Variants in ATP1B3 observed in about 807,000 individuals in gnomAD.
ATP1B3 encodes sodium/potassium-transporting ATPase subunit beta-3.
Under a neutral mutation model 30.2 loss-of-function variants are expected in ATP1B3, and 10 were observed. That is an observed-to-expected ratio of 0.33 (90% confidence interval 0.20 to 0.56). The LOEUF is 0.56. ATP1B3 is among the 20% of genes least tolerant of loss of function. The probability of loss-of-function intolerance (pLI) is 0.90; values close to 1 mark genes in which losing one functional copy is unlikely to be tolerated. For synonymous variants in ATP1B3, 113 were observed against 117.0 expected, an observed-to-expected ratio of 0.97 and a Z score of 0.22; for missense variants, 238 against 336.7, an observed-to-expected ratio of 0.71 and a Z score of 2.29.
In ATP1B3 at chr3:141,925,670, G is replaced by A. The variant is rs141791067; in HGVS notation, c.809G>A (p.Arg270Gln). 62 of 1,612,396 alleles carry A rather than the reference G, an allele frequency of 3.8e-5. No individual in the cohort carries two copies. In the African/African-American group the frequency reaches 4.1e-4, roughly 11 times the overall value. Residue 270 changes from arginine (R) to glutamine (Q), a missense_variant, in exon 7 of 7, where the codon CGA (arginine) becomes CAA (glutamine). By Grantham distance (43) the Arg-to-Gln change is conservative. Around this residue, in one of 3 missense-constraint regions of ATP1B3, gnomAD observed 50 missense variants for 62.3 expected, o/e 0.80. Transcript: ENST00000286371. ...SQDDRDKFLG[R>Q]VMFKITARA ...GATGATCGTGACAAGTTTTTGGGAC[G>A]AGTTATGTTCAAAATCACAGCACGT...
At chr3:141,899,991 G>A (rs7616903) in intron 1 of ATP1B3, among the ~76,000 whole-genome samples, 28,847 of 151,948 alleles carry the variant, frequency 0.19, 3,162 homozygotes, top group African/African-American at 0.31. Context: ...TGATTGCACC[G>A]CTGTACTCCA....
chr3:141,915,612 C>T (rs970528713), intron 4 of ATP1B3, among the ~76,000 whole-genome samples: 1 of 152,056 alleles, frequency 6.6e-6, no homozygotes, highest in Non-Finnish European at 1.5e-5. Context: ...TATGCTTCTG[C>T]AGTTCTTATT....
chr3:141,890,086 C>CTTTTTTTTTTTTTTT (rs1245235657), intron 1 of ATP1B3, among the ~76,000 whole-genome samples: 2 of 107,550 alleles, frequency 1.9e-5, no homozygotes, highest in African/African-American at 7.5e-5. Context: ...AATTTTTTTT[C>CTTTTTTTTTTTTTTT]TTTTTTTTTT....
At chr3:141,924,814 G>A (rs1008870393) in intron 6 of ATP1B3, among the ~76,000 whole-genome samples, 10 of 151,918 alleles carry the variant, frequency 6.6e-5, no homozygotes, top group East Asian at 1.9e-4. Flanking sequence ...TTAGCTGGGC[G>A]TGGTAGCGGG....
chr3:141,920,168 G>A (rs907494575), intron 5 of ATP1B3, among the ~76,000 whole-genome samples: 8 of 152,140 alleles, frequency 5.3e-5, no homozygotes, highest in Non-Finnish European at 1.0e-4. Context: ...CTTGAGCCGT[G>A]ATGGCCTTAA....
chr3:141,876,786 C>G lies in ATP1B3; in HGVS notation c.-16C>G, dbSNP rs770812530. On this transcript the variant is annotated 5_prime_UTR_variant, in exon 1 of 7. Transcript: ENST00000286371. ...TCCCCGCGGCCGCAGCTCCTCTCGC[C>G]GTCCGCGCGCACACCATGACGAAGA... 6.3e-7 allele frequency: 1 copy of G among 1,585,978 alleles called. No homozygotes were observed.
Position 141,882,758 on chromosome 3 carries a change from A to G in ATP1B3, c.109+5848A>G, listed in dbSNP as rs551948236. The stretch of plus-strand genomic sequence containing the variant: ...GCTACCATGCCTAGCTAATTTTTGT[A>G]TTTTTAGCTGAGATAGGGTTTTTTT... On this transcript the variant is annotated intron_variant, in intron 1 of 6. Coordinates refer to ENST00000286371, the MANE Select transcript of ATP1B3 (RefSeq NM_001679.4). Among the ~76,000 whole-genome samples, 99 of 152,120 alleles carry G rather than the reference A, an allele frequency of 6.5e-4. No homozygotes were observed. In the South Asian group the frequency reaches 0.012, roughly 19 times the overall value.
At chr3:141,903,232 A>C (rs1159582653) in intron 1 of ATP1B3, among the ~76,000 whole-genome samples, 1 of 152,198 alleles carries the variant, frequency 6.6e-6, no homozygotes, top group Non-Finnish European at 1.5e-5. Flanking sequence ...TCGCCACTTA[A>C]AGGATCATGT....
chr3:141,905,856 A>G (rs1934254593), intron 2 of ATP1B3, among the ~76,000 whole-genome samples: 1 of 152,128 alleles, frequency 6.6e-6, no homozygotes, highest in African/African-American at 2.4e-5. Flanking sequence ...TTAAGTACAC[A>G]GTTTTTAAAC....
In ATP1B3 at chr3:141,907,233, C is replaced by T. The variant is rs768861940; in HGVS notation, c.305C>T (p.Ser102Leu). The T allele has an allele frequency of 5.0e-6, 8 of 1,612,840 alleles. No homozygotes were observed. Among genetic ancestry groups the T allele is most frequent in the Non-Finnish European group, 5.9e-6 (7 of 1,179,558 alleles). The change falls in exon 3 of 7, where the codon TCG (serine) becomes TTG (leucine). Residue 102 changes from serine (S) to leucine (L), a missense_variant. Transcript: ENST00000286371. ...EYTFSRSDPT[S>L]YAGYIEDLKK... Reference sequence around the variant, plus strand: ...ACATTCAGTAGGTCTGATCCAACTTCGTATGCAGGGTACATTGAAGACCTT... The same window carrying T: ...ACATTCAGTAGGTCTGATCCAACTTTGTATGCAGGGTACATTGAAGACCTT...
intron 1 of ATP1B3, among the ~76,000 whole-genome samples, chr3:141,899,343 A>G (rs1393612887): frequency 6.6e-6 from 1 of 152,218 alleles, no homozygotes; most frequent in Admixed American, 6.5e-5. Flanking sequence ...GTTTTAAACT[A>G]TAAACAGAAT....
At chr3:141,879,927 A>G (rs113537296) in intron 1 of ATP1B3, among the ~76,000 whole-genome samples, 255 of 150,220 alleles carry the variant, frequency 1.7e-3, no homozygotes, top group Middle Eastern at 3.4e-3. Context: ...GGTGGGAGAA[A>G]AAGATTATGT....
intron 1 of ATP1B3, among the ~76,000 whole-genome samples, chr3:141,898,797 A>G (rs1934113543): frequency 6.6e-6 from 1 of 152,228 alleles, no homozygotes; most frequent in South Asian, 2.1e-4. Context: ...TGTTTATAAC[A>G]TTATTCATAA....
intron 1 of ATP1B3, among the ~76,000 whole-genome samples, chr3:141,900,777 T>C (rs1934147250): frequency 6.6e-6 from 1 of 151,798 alleles, no homozygotes; most frequent in Non-Finnish European, 1.5e-5. Context: ...GCCTGTCTGG[T>C]TGTTTTCTTG....
rs1161339316 is a variant in ATP1B3 at position 141,922,023 on chromosome 3, T to C, written c.629T>C (p.Ile210Thr). The change falls in exon 6 of 7, where the codon ATA (isoleucine) becomes ACA (threonine). Residue 210 changes from isoleucine (I) to threonine (T), a missense_variant. By Grantham distance (89) the Ile-to-Thr change is moderately conservative. Transcript: ENST00000286371. Reference sequence around the variant, plus strand: ...GCAGTTTATCCTCATAATGGAATGATAGACTTAAAATATTTCCCATATTAT... The same window carrying C: ...GCAGTTTATCCTCATAATGGAATGACAGACTTAAAATATTTCCCATATTAT... ...NVAVYPHNGM[I>T]DLKYFPYYGK... The C allele has an allele frequency of 3.9e-6, 6 of 1,554,702 alleles. No individual in the cohort carries two copies. Among genetic ancestry groups the C allele is most frequent in the Non-Finnish European group, 5.3e-6 (6 of 1,140,966 alleles).
chr3:141,900,370 A>G (rs577920482), intron 1 of ATP1B3, among the ~76,000 whole-genome samples: 116 of 152,322 alleles, frequency 7.6e-4, no homozygotes, highest in African/African-American at 2.2e-3. Context: ...CTGCCAGGTT[A>G]GGAAACACAT....
intron 1 of ATP1B3, among the ~76,000 whole-genome samples, chr3:141,894,672 C>T (rs1934026346): frequency 6.6e-6 from 1 of 152,170 alleles, no homozygotes; most frequent in Non-Finnish European, 1.5e-5. Flanking sequence ...CTTCCACCTT[C>T]ATCTCTTGCC....
chr3:141,890,434 C>G (rs1466181338), intron 1 of ATP1B3, among the ~76,000 whole-genome samples: 1 of 150,770 alleles, frequency 6.6e-6, no homozygotes, highest in African/African-American at 2.4e-5. Context: ...TCCCAAGTAG[C>G]TGGGATTACA....
At chr3:141,921,845 A>C (rs1195972916) in intron 5 of ATP1B3, 132 bp from the exon 6 acceptor site, 1 of 527,924 alleles carries the variant, frequency 1.9e-6, no homozygotes, top group Admixed American at 4.1e-5. Context: ...ATACACTTGT[A>C]ATGATAATAT....
Sources: gnomAD v4.1 joint callset for allele counts (sites outside exome capture counted in the v4.1 genomes callset) on GRCh38, gnomAD v4.1.1 for gene constraint, gnomAD v4.1.1 regional missense constraint, MANE v1.5 for transcripts, NCBI Gene and HGNC (gene_info 2026-07-23, HGNC 2026-07-21) for gene names.